The following CDK17 variants were observed in gnomAD, a reference collection of about 807,000 sequenced individuals.
CDK17 encodes cyclin-dependent kinase 17.
In CDK17, 24 loss-of-function variants were observed where a neutral mutation model predicts 77.6. The ratio of observed to expected loss-of-function variants is 0.31; its 90% CI spans 0.22 to 0.44. The LOEUF (loss-of-function observed/expected upper bound fraction) is 0.44. Among genes scored for constraint, CDK17 ranks in the 20% least tolerant of loss-of-function variants. The probability of loss-of-function intolerance (pLI) is 1.00; values close to 1 mark genes in which losing one functional copy is unlikely to be tolerated. For missense variants in CDK17, 429 were observed against 622.5 expected, an observed-to-expected ratio of 0.69 and a Z score of 3.31; for synonymous variants, 203 against 210.4, an observed-to-expected ratio of 0.96 and a Z score of 0.30.
chr12:96,348,013 C>CACAACAT (rs983102029), intron 1 of CDK17, among the ~76,000 whole-genome samples: 2 of 151,888 alleles, frequency 1.3e-5, no homozygotes, highest in African/African-American at 4.8e-5. Flanking sequence ...AAAACAAAAA[C>CACAACAT]ACAACATACA....
At chr12:96,356,027 C>G (rs1192456758) in intron 1 of CDK17, among the ~76,000 whole-genome samples, 1 of 152,122 alleles carries the variant, frequency 6.6e-6, no homozygotes, top group Non-Finnish European at 1.5e-5. Flanking sequence ...TTCATTTCAA[C>G]AAACATTCAC....
At chr12:96,336,708 CTT>C (rs1374517762) in intron 1 of CDK17, among the ~76,000 whole-genome samples, 2 of 152,214 alleles carry the variant, frequency 1.3e-5, no homozygotes, top group Non-Finnish European at 2.9e-5. Flanking sequence ...CACAAATCCT[CTT>C]TTCAGCTGTG....
At chr12:96,313,537 G>A in intron 3 of CDK17, 83 bp from the exon 4 acceptor site, 1 of 731,880 alleles carries the variant, frequency 1.4e-6, no homozygotes. Flanking sequence ...AATATAGAAG[G>A]CCAACGAGTA....
At chr12:96,370,536 C>G (rs1197888013) in intron 1 of CDK17, among the ~76,000 whole-genome samples, 2 of 152,182 alleles carry the variant, frequency 1.3e-5, no homozygotes, top group African/African-American at 4.8e-5. Flanking sequence ...TGCTCTAAAG[C>G]AGAGATTCTC....
At chr12:96,294,863 A>G (rs547332435) in intron 10 of CDK17, 136 bp downstream of exon 10, 4 of 683,288 alleles carry the variant, frequency 5.9e-6, no homozygotes, top group Non-Finnish European at 7.0e-6. Context: ...GTTCTGTCAA[A>G]TATCTTATTC....
At chr12:96,297,887 C>T (rs1952432639) in intron 7 of CDK17, among the ~76,000 whole-genome samples, 166 bp from the exon 8 acceptor site, 1 of 150,846 alleles carries the variant, frequency 6.6e-6, no homozygotes, top group African/African-American at 2.4e-5. Flanking sequence ...AGGCGGATCA[C>T]TTGAGCCCAG....
intron 10 of CDK17, among the ~76,000 whole-genome samples, chr12:96,290,004 A>G (rs1952302080): frequency 6.6e-6 from 1 of 152,054 alleles, no homozygotes; most frequent in African/African-American, 2.4e-5. Context: ...ATACACTAAC[A>G]CTAACAACAG....
At chr12:96,361,350 C>G (rs1429724864) in intron 1 of CDK17, among the ~76,000 whole-genome samples, 1 of 152,156 alleles carries the variant, frequency 6.6e-6, no homozygotes, top group East Asian at 1.9e-4. Flanking sequence ...GTCCTTTGTC[C>G]CTCCTCTTTT....
intron 1 of CDK17, among the ~76,000 whole-genome samples, chr12:96,389,862 ACT>A (rs925091853): frequency 1.3e-5 from 2 of 148,754 alleles, no homozygotes; most frequent in East Asian, 1.9e-4. Context: ...AGGAAGTCTC[ACT>A]CTGTCACCAG....
In CDK17 at chr12:96,304,235, T is replaced by C. The variant is rs369975500; in HGVS notation, c.544-3875A>G. On this transcript the variant is annotated intron_variant, in intron 5 of 16. Transcript: ENST00000261211. ...ATAGATGACATTTTAAGAGTGAGTA[T>C]ATATTAATACATAAGAAACGGGGCC... Among the ~76,000 whole-genome samples the C allele has an allele frequency of 1.1e-4, 17 of 152,208 alleles. No individual in the cohort carries two copies. The South Asian group carries it at 1.2e-3, about 11-fold the overall frequency.
chr12:96,326,086 T>G (rs905697953), intron 2 of CDK17, among the ~76,000 whole-genome samples: 1 of 152,152 alleles, frequency 6.6e-6, no homozygotes, highest in African/African-American at 2.4e-5. Flanking sequence ...ATGTGAAATA[T>G]CACAACATTC....
At chr12:96,390,608 G>A (rs1275009895) in intron 1 of CDK17, among the ~76,000 whole-genome samples, 2 of 149,120 alleles carry the variant, frequency 1.3e-5, no homozygotes, top group Non-Finnish European at 3.0e-5. Flanking sequence ...GCTCAGGAGG[G>A]TGAGGCAGGA....
chr12:96,346,485 A>C (rs1027440077), intron 1 of CDK17, among the ~76,000 whole-genome samples: 1 of 151,828 alleles, frequency 6.6e-6, no homozygotes, highest in Non-Finnish European at 1.5e-5. Context: ...AAAATTAGCC[A>C]GGCGTAGTGG....
At position 96,330,168 on chromosome 12, in the gene CDK17, T is replaced by C. The variant is rs73366533; in HGVS notation, c.118+4551A>G. Among the ~76,000 whole-genome samples the C allele has an allele frequency of 6.1e-3, 925 of 152,230 alleles. 12 individuals are homozygous for C. Among genetic ancestry groups the C allele is most frequent in the African/African-American group, 0.02 (832 of 41,516 alleles). ...CATCAAATTCAATAATCTCAATATATCGTCCCATTACAAGAAAAAATAAGT... is the reference window on the plus strand; with the variant it reads ...CATCAAATTCAATAATCTCAATATACCGTCCCATTACAAGAAAAAATAAGT... On this transcript the variant is annotated intron_variant, in intron 2 of 16. Transcript: ENST00000261211.
intron 1 of CDK17, among the ~76,000 whole-genome samples, chr12:96,346,169 T>C (rs1178414769): frequency 6.7e-6 from 1 of 149,750 alleles, no homozygotes; most frequent in Non-Finnish European, 1.5e-5. Flanking sequence ...AACACAAAAA[T>C]TGGCCAGGTG....
At chr12:96,302,309 T>C (rs991018313) in intron 5 of CDK17, among the ~76,000 whole-genome samples, 1 of 151,852 alleles carries the variant, frequency 6.6e-6, no homozygotes, top group Non-Finnish European at 1.5e-5. Context: ...GAATAATCTT[T>C]TAATTTATAT....
At chr12:96,294,962 C>G in intron 10 of CDK17, 37 bp downstream of exon 10, 3 of 1,553,514 alleles carry the variant, frequency 1.9e-6, no homozygotes, top group Non-Finnish European at 2.6e-6. Flanking sequence ...CACTTTAGAA[C>G]CTGGAAGTAC....
intron 1 of CDK17, among the ~76,000 whole-genome samples, chr12:96,397,294 T>A (rs966301224): frequency 8.6e-5 from 12 of 139,096 alleles, no homozygotes; most frequent in African/African-American, 3.4e-4. Flanking sequence ...AAATTTTCTA[T>A]TTTTTTTTTT....
chr12:96,293,312 A>T (rs1952352494), intron 10 of CDK17, among the ~76,000 whole-genome samples: 1 of 152,144 alleles, frequency 6.6e-6, no homozygotes, highest in Admixed American at 6.5e-5. Flanking sequence ...TGCTGGGATT[A>T]CACCCCTGAG....
Sources: allele counts gnomAD v4.1 joint callset (sites outside exome capture counted in the v4.1 genomes callset), GRCh38; gene constraint gnomAD v4.1.1; transcripts MANE v1.5; gene names NCBI Gene and HGNC (gene_info 2026-07-23, HGNC 2026-07-21).